Variants in RRAGB observed in about 807,000 individuals in gnomAD.
RRAGB encodes the protein ras-related GTP-binding protein B.
RRAGB carries 6 observed loss-of-function variants against 29.3 expected under a neutral mutation model. That is an observed-to-expected ratio of 0.21 (90% CI 0.11 to 0.40). The LOEUF (loss-of-function observed/expected upper bound fraction) is 0.40. RRAGB is among the 10% of genes least tolerant of loss of function. The pLI is 1.00. For missense variants in RRAGB, 184 were observed against 272.9 expected (o/e 0.67, Z 2.29); for synonymous variants, 101 against 92.5 (o/e 1.09, Z -0.53).
intron 5 of RRAGB, among the ~76,000 whole-genome samples, chrX:55,748,516 C>T (rs1275043114): frequency 2.7e-5 from 3 of 110,695 alleles, no homozygotes; most frequent in African/African-American, 9.9e-5. Flanking sequence ...GCCTCTGCCC[C>T]GCCACCCCGT....
chrX:55,722,271 G>A lies in RRAGB; in HGVS notation c.212G>A (p.Arg71His). ...FANYIARDTR[R>H]LGATIDVEHS... ...AATTATATTGCCAGAGACACACGTC[G>A]CCTTGGCGCAACAAGTAAGATGTTT... Residue 71 changes from arginine (R) to histidine (H), a missense_variant, in exon 3 of 10, where the codon CGC (arginine) becomes CAC (histidine). By Grantham distance (29) the Arg-to-His change is conservative. Transcript: ENST00000374941. The A allele has an allele frequency of 2.6e-6, 3 of 1,175,997 alleles. No homozygotes were observed. Among genetic ancestry groups the A allele is most frequent in the Admixed American group, 2.2e-5 (1 of 45,885 alleles).
intron 5 of RRAGB, among the ~76,000 whole-genome samples, chrX:55,739,609 C>G (rs2033983343): frequency 8.9e-6 from 1 of 111,806 alleles, no homozygotes; most frequent in Non-Finnish European, 1.9e-5. Context: ...CCCTTTCATG[C>G]TCTGGAGACT....
At chrX:55,731,177 T>A (rs958457365) in intron 4 of RRAGB, among the ~76,000 whole-genome samples, 187 bp from the exon 5 acceptor site, 1 of 111,521 alleles carries the variant, frequency 9.0e-6, no homozygotes, top group African/African-American at 3.3e-5. Flanking sequence ...CTCTGCAAAC[T>A]TCTTTTGTTG....
intron 5 of RRAGB, among the ~76,000 whole-genome samples, chrX:55,737,030 A>T (rs916708804): frequency 1.8e-5 from 2 of 112,750 alleles, no homozygotes; most frequent in African/African-American, 6.4e-5. Context: ...AGGCACCCAC[A>T]GGTAAAAACC....
chrX:55,732,737 T>A (rs2147087968), intron 5 of RRAGB, among the ~76,000 whole-genome samples: 1 of 111,753 alleles, frequency 8.9e-6, no homozygotes, highest in African/African-American at 3.2e-5. Flanking sequence ...TACCTAATAA[T>A]TAATATGGTT....
Position 55,757,306 on chromosome X carries a change from G to A in RRAGB, c.918G>A (p.Met306Ile). 8.5e-7 allele frequency: 1 copy of A among 1,175,362 alleles called. No homozygotes were observed. Among genetic ancestry groups the A allele is most frequent in the Non-Finnish European group, 1.2e-6 (1 of 867,839 alleles). ...TCTTTACATCCAACACTTATGTGATGGTTGTGATGTCTGATCCGTCCATTC... is the reference window on the plus strand; with the variant it reads ...TCTTTACATCCAACACTTATGTGATAGTTGTGATGTCTGATCCGTCCATTC... ...IDIFTSNTYV[M>I]VVMSDPSIPS... Residue 306 changes from methionine to isoleucine, a missense_variant, in exon 9 of 10, where the codon ATG (methionine) becomes ATA (isoleucine). Transcript: ENST00000374941.
chrX:55,722,189 C>T lies in RRAGB; in HGVS notation c.130C>T (p.Leu44=). Residue 44 remains leucine (L), a synonymous_variant, in exon 3 of 10, where the codon CTG becomes TTG. Coordinates refer to ENST00000374941, the MANE Select transcript of RRAGB (RefSeq NM_006064.5). ...LPNTAMKKKV[L]LMGKSGSGKT... is the part of the protein sequence containing the mutation. The stretch of plus-strand genomic sequence containing the variant: ...CTTTTCCCTACTTTGTCCTTAGGTG[C>T]TGTTGATGGGTAAAAGTGGGTCTGG... The T allele has an allele frequency of 8.6e-7, 1 of 1,162,998 alleles. No individual in the cohort carries two copies. The highest frequency in any genetic ancestry group is 1.2e-6 in the Non-Finnish European group (1 of 855,818).
Position 55,755,838 on chromosome X carries a change from T to C in RRAGB, c.736-3T>C. 2.5e-6 allele frequency: 3 copies of C among 1,195,903 alleles called. No homozygotes were observed. Among genetic ancestry groups the C allele is most frequent in the Non-Finnish European group, 3.4e-6 (3 of 882,773 alleles). On this transcript the variant is annotated splice_region_variant and splice_polypyrimidine_tract_variant and intron_variant, in intron 7 of 9. Coordinates refer to ENST00000374941, the MANE Select transcript of RRAGB (RefSeq NM_006064.5). The stretch of plus-strand genomic sequence containing the variant: ...ATTCAAAGGACAATATTCTTTTTCA[T>C]AGGTAATTTCTCACTATCAGTGTAA...
chrX:55,746,568 C>G (rs1602060120), intron 5 of RRAGB, among the ~76,000 whole-genome samples: 1 of 112,301 alleles, frequency 8.9e-6, no homozygotes, highest in African/African-American at 3.2e-5. Context: ...GCTGCCCTTA[C>G]AAATTTATTT....
chrX:55,755,461 A>G lies in RRAGB; in HGVS notation c.736-380A>G, dbSNP rs374245441. The G allele has an allele frequency of 3.7e-3, 2,748 of 742,818 alleles. 4 individuals carry two copies. The highest frequency in any genetic ancestry group is 4.1e-3 in the Non-Finnish European group (2,601 of 629,835). 61.2% of individuals were successfully genotyped at this position (742,818 alleles called of 1,213,427 possible). A position where few individuals can be genotyped will look rare whatever the true frequency, so the allele number is the denominator to read the frequency against. On this transcript the variant is annotated intron_variant, in intron 7 of 9. Transcript: ENST00000374941. ...TATTAAAATTAAACACATGAAGTAT[A>G]CCTCAAGAACAGCTAGGAATTTTTA...
At chrX:55,746,483 T>C (rs893892743) in intron 5 of RRAGB, among the ~76,000 whole-genome samples, 3 of 111,844 alleles carry the variant, frequency 2.7e-5, no homozygotes, top group Non-Finnish European at 3.8e-5. Flanking sequence ...GTTTCCCAAT[T>C]CAGTGGCAGC....
At chrX:55,752,510 A>T in intron 6 of RRAGB, among the ~76,000 whole-genome samples, 1 of 112,256 alleles carries the variant, frequency 8.9e-6, no homozygotes, top group Non-Finnish European at 1.9e-5. Flanking sequence ...TGTCTCTTAC[A>T]TCAATGTTGC....
intron 5 of RRAGB, among the ~76,000 whole-genome samples, chrX:55,748,121 C>T (rs755183388): frequency 2.1e-4 from 24 of 112,918 alleles, no homozygotes; most frequent in Non-Finnish European, 1.1e-4. Flanking sequence ...CCGCCAGCCT[C>T]GGCCTCCGGA....
intron 4 of RRAGB, among the ~76,000 whole-genome samples, chrX:55,731,125 G>A (rs756363843): frequency 9.0e-6 from 1 of 111,305 alleles, no homozygotes; most frequent in African/African-American, 3.3e-5. Context: ...CAATGAGACC[G>A]GGTAAGAAAC....
chrX:55,731,418 A>C lies in RRAGB; in HGVS notation c.348A>C (p.Arg116=). The C allele has an allele frequency of 8.3e-7, 1 of 1,210,981 alleles. No homozygotes were observed. The change falls in exon 5 of 10, where the codon CGA becomes CGC. Residue 116 remains arginine (R), a synonymous_variant. Transcript: ENST00000374941. ...CTAGCCAACGGGACAACATCTTCCG[A>C]AATGTGGAGGTTCTGATTTATGTCT... The part of the protein sequence containing the change: ...YFTSQRDNIF[R]NVEVLIYVFD...
intron 3 of RRAGB, among the ~76,000 whole-genome samples, chrX:55,727,893 A>G (rs2033538948): frequency 9.0e-6 from 1 of 111,512 alleles, no homozygotes; most frequent in Admixed American, 9.5e-5. Flanking sequence ...CAGAGAGTAG[A>G]TGCTTAATGA....
Position 55,750,048 on chromosome X carries a change from TAAAAAAAAAAA to T in RRAGB, c.517-1033_517-1023del, listed in dbSNP as rs774847577. On this transcript the variant is annotated intron_variant, in intron 5 of 9. Coordinates refer to ENST00000374941, the MANE Select transcript of RRAGB (RefSeq NM_006064.5). The stretch of plus-strand genomic sequence containing the variant: ...CGAGAAACACCCAAGAATGATCAAT[TAAAAAAAAAAA>T]AAAAAAAAAAAAAAAAAAAGGTTAT... Among the ~76,000 whole-genome samples, 65 of 16,773 alleles carry T rather than the reference TAAAAAAAAAAA, an allele frequency of 3.9e-3. 1 individual carries two copies. The South Asian group carries it at 0.069, about 18-fold the overall frequency. 14.6% of individuals were successfully genotyped at this position (16,773 alleles called of 115,157 possible). A position where few individuals can be genotyped will look rare whatever the true frequency, so the allele number is the denominator to read the frequency against.
intron 5 of RRAGB, among the ~76,000 whole-genome samples, chrX:55,736,566 G>A (rs2033870123): frequency 1.8e-5 from 2 of 112,120 alleles, no homozygotes; most frequent in Non-Finnish European, 3.8e-5. Flanking sequence ...CATGTTGCCA[G>A]AATCATTTTT....
intron 9 of RRAGB, 58 bp downstream of exon 9, chrX:55,757,389 C>G (rs1034584012): frequency 2.0e-5 from 13 of 652,840 alleles, no homozygotes; most frequent in Non-Finnish European, 3.1e-5. Flanking sequence ...AACAATTGTC[C>G]CAGAGGTAGT....
Sources: allele counts gnomAD v4.1 joint callset (sites outside exome capture counted in the v4.1 genomes callset), GRCh38; gene constraint gnomAD v4.1.1; transcripts MANE v1.5; gene names NCBI Gene and HGNC (gene_info 2026-07-23, HGNC 2026-07-21).